RAB3C: variants seen among roughly 807,000 people sequenced by gnomAD.
The protein encoded by RAB3C is ras-related protein Rab-3C.
A neutral mutation model predicts 26.4 loss-of-function variants in RAB3C; 17 were observed. The ratio of observed to expected loss-of-function variants is 0.64; its 90% CI spans 0.44 to 0.97. The LOEUF (loss-of-function observed/expected upper bound fraction) is 0.97. Ranked by LOEUF, RAB3C falls within the 50% of genes least tolerant of loss-of-function variation. RAB3C has a pLI of 0.00. For synonymous variants in RAB3C, 91 were observed against 95.9 expected (o/e 0.95, Z 0.30); for missense variants, 242 against 281.9 (o/e 0.86, Z 1.01).
At chr5:58,599,399 C>A (rs775112662) in intron 1 of RAB3C, among the ~76,000 whole-genome samples, 36 of 152,222 alleles carry the variant, frequency 2.4e-4, no homozygotes, top group South Asian at 6.2e-4. Context: ...TAGTCCTGAG[C>A]TTCAGGACCA....
chr5:58,609,471 C>A (rs1746648390), intron 1 of RAB3C, among the ~76,000 whole-genome samples: 2 of 151,748 alleles, frequency 1.3e-5, no homozygotes, highest in Admixed American at 1.3e-4. Flanking sequence ...AGGGATAGTG[C>A]AAAGATTAGG....
rs552942155 is a variant in RAB3C, at chr5:58,601,975, G to A, written c.25-15668G>A. 2.6e-4 allele frequency among the ~76,000 whole-genome samples: 40 copies of A among 152,154 alleles called. No individual in the cohort carries two copies. The South Asian group carries it at 5.8e-3, about 22-fold the overall frequency. On this transcript the variant is annotated intron_variant, in intron 1 of 4. Transcript: ENST00000282878. The stretch of plus-strand genomic sequence containing the variant: ...GTTTGTGCTCTTCAGACTTTCTGAT[G>A]TGGGTGTTTAAGGCTATGAACTTTC...
rs750875260 is a variant in RAB3C at position 58,617,833 on chromosome 5, T to C, written c.215T>C (p.Val72Ala). ...GGGATCGATTTCAAAGTAAAAACTG[T>C]ATTCAAAAATGAAAAGAGAATCAAG... is the stretch of plus-strand genomic sequence containing the variant. ...TVGIDFKVKTVFKNEKRIKLQ... is the reference protein window; with the variant it reads ...TVGIDFKVKTAFKNEKRIKLQ... The change falls in exon 2 of 5, where the codon GTA becomes GCA. Residue 72 changes from valine (V) to alanine (A), a missense_variant. Val to Ala is a moderately conservative substitution (Grantham distance 64, BLOSUM62 0). Coordinates refer to ENST00000282878, the MANE Select transcript of RAB3C (RefSeq NM_138453.4). The C allele has an allele frequency of 3.1e-6, 5 of 1,612,100 alleles. No individual in the cohort carries two copies. The African/African-American group carries it at 6.7e-5, about 22-fold the overall frequency.
intron 4 of RAB3C, among the ~76,000 whole-genome samples, chr5:58,844,351 A>G (rs1743942029): frequency 6.6e-6 from 1 of 152,220 alleles, no homozygotes; most frequent in South Asian, 2.1e-4. Context: ...ACACAGACTC[A>G]GGGGCTGAAA....
chr5:58,830,120 C>T (rs1743579855), intron 4 of RAB3C, among the ~76,000 whole-genome samples: 1 of 152,130 alleles, frequency 6.6e-6, no homozygotes, highest in Admixed American at 6.5e-5. Flanking sequence ...CAAAAAGATA[C>T]ATTCTATGTC....
At chr5:58,688,955 T>C (rs543112153) in intron 2 of RAB3C, among the ~76,000 whole-genome samples, 1 of 152,248 alleles carries the variant, frequency 6.6e-6, no homozygotes, top group South Asian at 2.1e-4. Flanking sequence ...TCCTCCATAA[T>C]AGGGACTAGA....
intron 2 of RAB3C, among the ~76,000 whole-genome samples, chr5:58,624,359 G>T (rs149024101): frequency 2.6e-5 from 4 of 152,252 alleles, no homozygotes; most frequent in African/African-American, 9.6e-5. Context: ...TGATCAGTGC[G>T]GATTGATACA....
rs539199446 is a variant in RAB3C, at chr5:58,601,855, G to A, written c.25-15788G>A. ...TGTTTGTTTCTTTCAATTTCATTTA[G>A]TTCTGCTCTGATCTTGGTTATTTCC... On this transcript the variant is annotated intron_variant, in intron 1 of 4. Transcript: ENST00000282878. Among the ~76,000 whole-genome samples, 27 of 151,806 alleles carry A rather than the reference G, an allele frequency of 1.8e-4. No homozygotes were observed. In the South Asian group the frequency reaches 4.2e-3, roughly 23 times the overall value.
chr5:58,646,584 A>G (rs554481312), intron 2 of RAB3C, among the ~76,000 whole-genome samples: 2 of 152,248 alleles, frequency 1.3e-5, no homozygotes, highest in African/African-American at 2.4e-5. Flanking sequence ...AGGAAGAACA[A>G]ACCTTTCACT....
intron 4 of RAB3C, among the ~76,000 whole-genome samples, chr5:58,832,408 A>C: frequency 6.6e-6 from 1 of 152,186 alleles, no homozygotes; most frequent in East Asian, 1.9e-4. Flanking sequence ...GGAGATAGAC[A>C]CTTCAAAATA....
intron 2 of RAB3C, among the ~76,000 whole-genome samples, chr5:58,670,795 C>G (rs1244428392): frequency 6.6e-6 from 1 of 152,160 alleles, no homozygotes; most frequent in Non-Finnish European, 1.5e-5. Flanking sequence ...ACCTGGCCAA[C>G]TTCAAGGTCA....
At chr5:58,663,981 G>A (rs190179959) in intron 2 of RAB3C, among the ~76,000 whole-genome samples, 281 of 152,176 alleles carry the variant, frequency 1.8e-3, no homozygotes, top group Admixed American at 4.1e-3. Context: ...TTAGAATAAC[G>A]AGATGAATGC....
chr5:58,702,857 C>G lies in RAB3C; in HGVS notation c.253-23145C>G, dbSNP rs1748875494. Among the ~76,000 whole-genome samples the G allele has an allele frequency of 2.0e-5, 3 of 152,174 alleles. No individual in the cohort carries two copies. The South Asian group carries it at 6.2e-4, about 31-fold the overall frequency. On this transcript the variant is annotated intron_variant, in intron 2 of 4. Transcript: ENST00000282878. ...CATTTTCAGTTAATCTTTTTGATAT[C>G]TAAATCTACACACTTTACTGAACAG...
intron 2 of RAB3C, among the ~76,000 whole-genome samples, chr5:58,684,456 G>T (rs1748405565): frequency 6.6e-6 from 1 of 152,170 alleles, no homozygotes; most frequent in Non-Finnish European, 1.5e-5. Flanking sequence ...GCCAACTTAG[G>T]TTATGGGGTG....
chr5:58,640,955 A>T (rs920092297), intron 2 of RAB3C, among the ~76,000 whole-genome samples: 17 of 152,336 alleles, frequency 1.1e-4, no homozygotes, highest in African/African-American at 3.8e-4. Context: ...AAAGAAATAC[A>T]TATTTTTCTT....
At chr5:58,613,557 A>G (rs1746760241) in intron 1 of RAB3C, among the ~76,000 whole-genome samples, 1 of 152,170 alleles carries the variant, frequency 6.6e-6, no homozygotes, top group Non-Finnish European at 1.5e-5. Context: ...GAAATTTAAC[A>G]GAATACACAT....
chr5:58,775,587 ACCAGGTGAAAAAGTGG>A (rs1333333084), intron 3 of RAB3C, among the ~76,000 whole-genome samples: 47 of 152,146 alleles, frequency 3.1e-4, no homozygotes, highest in African/African-American at 1.1e-3. Flanking sequence ...CATGATACGT[ACCAGGTGAAAAAGTGG>A]CTCAGGGTAG....
At chr5:58,707,573 A>G (rs1748968799) in intron 2 of RAB3C, among the ~76,000 whole-genome samples, 1 of 152,128 alleles carries the variant, frequency 6.6e-6, no homozygotes, top group African/African-American at 2.4e-5. Context: ...GCCAGTAAGG[A>G]GTGGAGCCAG....
chr5:58,627,713 A>G (rs1301035748), intron 2 of RAB3C, among the ~76,000 whole-genome samples: 3 of 152,170 alleles, frequency 2.0e-5, no homozygotes, highest in Non-Finnish European at 4.4e-5. Flanking sequence ...CCACTGTGGC[A>G]GCTAAACAGC....
Sources: allele counts gnomAD v4.1 joint callset (sites outside exome capture counted in the v4.1 genomes callset), GRCh38; gene constraint gnomAD v4.1.1; transcripts MANE v1.5; gene names NCBI Gene and HGNC (gene_info 2026-07-23, HGNC 2026-07-21).